UGT2B7: variants seen among roughly 807,000 people sequenced by gnomAD.
The protein encoded by UGT2B7 is UDP-glucuronosyltransferase 2B7.
In UGT2B7, 51 loss-of-function variants were observed where a neutral mutation model predicts 51.9. The observed-to-expected ratio is 0.98, with a 90% CI of 0.78 to 1.24. UGT2B7 has a LOEUF of 1.24. UGT2B7 is among the 50% of genes most tolerant of loss of function. The pLI, the probability that UGT2B7 is intolerant of heterozygous loss-of-function variation, is 0.00. For synonymous variants in UGT2B7, 225 were observed against 211.6 expected (o/e 1.06, Z -0.55); for missense variants, 727 against 628.4 (o/e 1.16, Z -1.68).
chr4:69,101,240 C>A (rs923734953), intron 2 of UGT2B7, among the ~76,000 whole-genome samples: 1 of 151,814 alleles, frequency 6.6e-6, no homozygotes, highest in South Asian at 2.1e-4. Flanking sequence ...ATAAGTGTCA[C>A]ATGTGTACAT....
intron 3 of UGT2B7, among the ~76,000 whole-genome samples, chr4:69,106,529 C>T (rs551337040): frequency 2.0e-5 from 3 of 152,188 alleles, no homozygotes; most frequent in Non-Finnish European, 2.9e-5. Flanking sequence ...GATTCCATGT[C>T]GTTGCTATTG....
intron 1 of UGT2B7, among the ~76,000 whole-genome samples, chr4:69,083,207 T>A (rs114575395): frequency 6.6e-6 from 1 of 152,104 alleles, no homozygotes; most frequent in African/African-American, 2.4e-5. Flanking sequence ...CTGATAGGAA[T>A]GTACAAAGAG....
chr4:69,083,142 A>G (rs1718874060), intron 1 of UGT2B7, among the ~76,000 whole-genome samples: 1 of 152,100 alleles, frequency 6.6e-6, no homozygotes, highest in Admixed American at 6.6e-5. Context: ...CAGAAAATAA[A>G]ATTTATTTCA....
In UGT2B7 at chr4:69,105,696, T is replaced by C. The variant is rs1719573674; in HGVS notation, c.1003-1479T>C. On this transcript the variant is annotated intron_variant, in intron 3 of 5. Coordinates refer to ENST00000305231, the MANE Select transcript of UGT2B7 (RefSeq NM_001074.4). ...AAAATTAGAAATACTGATAATACTCTGAATTTGTGTCAAAAATAACCACCT... is the reference window on the plus strand; with the variant it reads ...AAAATTAGAAATACTGATAATACTCCGAATTTGTGTCAAAAATAACCACCT... Among the ~76,000 whole-genome samples the C allele has an allele frequency of 2.6e-5, 4 of 152,200 alleles. No individual in the cohort carries two copies. In the South Asian group the frequency reaches 8.3e-4, roughly 32 times the overall value.
At chr4:69,087,848 C>G (rs1018185122) in intron 1 of UGT2B7, among the ~76,000 whole-genome samples, 3 of 151,682 alleles carry the variant, frequency 2.0e-5, no homozygotes, top group Non-Finnish European at 4.4e-5. Context: ...ATGGTATAAA[C>G]CTTTTCTTAT....
rs367974444 is a variant in UGT2B7, at chr4:69,080,521, C to T, written c.-158-8951C>T. ...TGAGATCGCAGCACTACACTCTGGCCTGGGCAACAGAGCAAGACTCCGTCT... is the reference window on the plus strand; with the variant it reads ...TGAGATCGCAGCACTACACTCTGGCTTGGGCAACAGAGCAAGACTCCGTCT... On this transcript the variant is annotated intron_variant, in intron 1 of 5. Transcript: ENST00000502942. Among the ~76,000 whole-genome samples the T allele has an allele frequency of 1.7e-4, 24 of 144,872 alleles. 1 individual carries two copies. The highest frequency in any genetic ancestry group is 3.7e-3 in the Middle Eastern group (1 of 270).
At chr4:69,057,036 C>A (rs1187941499) in intron 1 of UGT2B7, among the ~76,000 whole-genome samples, 1 of 152,216 alleles carries the variant, frequency 6.6e-6, no homozygotes, top group Non-Finnish European at 1.5e-5. Flanking sequence ...GACTTAGAAA[C>A]TGATGTTATT....
chr4:69,056,080 C>A (rs2109859251), intron 1 of UGT2B7, among the ~76,000 whole-genome samples: 1 of 152,180 alleles, frequency 6.6e-6, no homozygotes, highest in Admixed American at 6.5e-5. Context: ...GGTAGCTGTG[C>A]AATTGGCACC....
At chr4:69,064,112 A>AAAGAAAG (rs1718434307) in intron 1 of UGT2B7, among the ~76,000 whole-genome samples, 1 of 86,844 alleles carries the variant, frequency 1.2e-5, no homozygotes, top group African/African-American at 6.1e-5. Context: ...GAAAGAAAGA[A>AAAGAAAG]AAAGAAAGAA....
At chr4:69,055,123 A>AAAAAAAAAAAAAAAAAAAAAAAAAAAAC (rs1718152361) in intron 1 of UGT2B7, among the ~76,000 whole-genome samples, 1 of 149,448 alleles carries the variant, frequency 6.7e-6, no homozygotes, top group African/African-American at 2.4e-5. Flanking sequence ...AAAAAAAAAA[A>AAAAAAAAAAAAAAAAAAAAAAAAAAAAC]AAAGAAAGGT....
chr4:69,092,950 A>G, upstream of UGT2B7, among the ~76,000 whole-genome samples: 1 of 119,682 alleles, frequency 8.4e-6, no homozygotes, highest in East Asian at 2.5e-4. Context: ...CAAAAACAAT[A>G]CCCCCACCCC....
chr4:69,052,596 G>C (rs1405071579), intron 1 of UGT2B7, among the ~76,000 whole-genome samples: 1 of 44,622 alleles, frequency 2.2e-5, no homozygotes, highest in Non-Finnish European at 3.7e-5. Flanking sequence ...AAAAAAAGAA[G>C]GGGAGGCAAA....
intron 3 of UGT2B7, among the ~76,000 whole-genome samples, chr4:69,103,299 C>A (rs1475410646): frequency 2.0e-5 from 3 of 151,848 alleles, no homozygotes; most frequent in Non-Finnish European, 4.4e-5. Flanking sequence ...CTGAATATAG[C>A]CTTAAATATG....
At chr4:69,052,154 A>G (rs10021748) in intron 1 of UGT2B7, among the ~76,000 whole-genome samples, 70,234 of 151,782 alleles carry the variant, frequency 0.46, 17,746 homozygotes, top group African/African-American at 0.66. Context: ...GTTGGACATC[A>G]GAAGGAAGCC....
At chr4:69,054,573 A>G (rs1718132676) in intron 1 of UGT2B7, among the ~76,000 whole-genome samples, 1 of 152,156 alleles carries the variant, frequency 6.6e-6, no homozygotes, top group Admixed American at 6.5e-5. Context: ...CAGAGAGCCT[A>G]GTTAAACATA....
chr4:69,107,338 G>T, intron 4 of UGT2B7, 76 bp downstream of exon 4: 1 of 1,421,572 alleles, frequency 7.0e-7, no homozygotes. Context: ...CATGAAACAA[G>T]CTTATTGAAT....
At chr4:69,098,719 T>A in intron 2 of UGT2B7, 31 bp downstream of exon 2, 1 of 1,600,522 alleles carries the variant, frequency 6.2e-7, no homozygotes, top group Non-Finnish European at 8.5e-7. Context: ...TTTATTTTGT[T>A]GGCTTTGAAT....
rs80339055 is a variant in UGT2B7, at chr4:69,100,403, A to G, written c.870+1715A>G. Among the ~76,000 whole-genome samples the G allele has an allele frequency of 6.1e-3, 930 of 152,228 alleles. 19 individuals carry two copies. The highest frequency in any genetic ancestry group is 0.06 in the South Asian group (290 of 4,826). On this transcript the variant is annotated intron_variant, in intron 2 of 5. Coordinates refer to ENST00000305231, the MANE Select transcript of UGT2B7 (RefSeq NM_001074.4). Reference sequence around the variant, plus strand: ...TCACACTTTTAAGACATATGTACAAAGCAAGCATTCTTTGTTACGTTATTA... The same window carrying G: ...TCACACTTTTAAGACATATGTACAAGGCAAGCATTCTTTGTTACGTTATTA...
chr4:69,112,852 A>C lies in UGT2B7; in HGVS notation c.*116A>C. ...TTCCTGAGACAAAAAAAAAAAAAGAAAAAAAAATCTTTTCAAAATTTACTT... is the reference window on the plus strand; with the variant it reads ...TTCCTGAGACAAAAAAAAAAAAAGACAAAAAAATCTTTTCAAAATTTACTT... On this transcript the variant is annotated 3_prime_UTR_variant, in exon 6 of 6. Transcript: ENST00000305231. 1 of 1,332,838 alleles carries C rather than the reference A, an allele frequency of 7.5e-7. No homozygotes were observed. The highest frequency in any genetic ancestry group is 9.9e-7 in the Non-Finnish European group (1 of 1,012,456). 82.6% of individuals were successfully genotyped at this position (1,332,838 alleles called of 1,614,324 possible).
Sources: gnomAD v4.1 joint callset for allele counts (sites outside exome capture counted in the v4.1 genomes callset) on GRCh38, gnomAD v4.1.1 for gene constraint, MANE v1.5 for transcripts, NCBI Gene and HGNC (gene_info 2026-07-23, HGNC 2026-07-21) for gene names.